Variants in PHKB observed in about 807,000 individuals in gnomAD.
PHKB encodes the protein phosphorylase b kinase regulatory subunit beta.
Under a neutral mutation model 152.1 loss-of-function variants are expected in PHKB, and 122 were observed. The ratio of observed to expected loss-of-function variants is 0.80; its 90% CI spans 0.69 to 0.93. The LOEUF is 0.93. Among genes scored for constraint, PHKB ranks in the 40% least tolerant of loss-of-function variants. The pLI is 0.00. For missense variants in PHKB, 1,304 were observed against 1,328.4 expected (o/e 0.98, Z 0.29); for synonymous variants, 436 against 464.9 (o/e 0.94, Z 0.80).
intron 7 of PHKB, among the ~76,000 whole-genome samples, chr16:47,570,816 G>A (rs1971645225): frequency 6.6e-6 from 1 of 152,008 alleles, no homozygotes. Context: ...TTGCTGGAGA[G>A]TTAGTATGTA....
At position 47,493,378 on chromosome 16, in the gene PHKB, G is replaced by C. The variant is rs535545106; in HGVS notation, c.77-4021G>C. 1.2e-4 allele frequency among the ~76,000 whole-genome samples: 19 copies of C among 152,262 alleles called. No individual in the cohort carries two copies. In the South Asian group the frequency reaches 3.9e-3, roughly 32 times the overall value. ...CAGAACCTCTTTTAGAAACTTCTAA[G>C]TATCATTGAAAATAGCTCTCCTAGT... On this transcript the variant is annotated intron_variant, in intron 1 of 30. Transcript: ENST00000323584.
At chr16:47,660,469 A>G in intron 20 of PHKB, 37 bp from the exon 21 acceptor site, 4 of 1,541,458 alleles carry the variant, frequency 2.6e-6, no homozygotes, top group Middle Eastern at 1.8e-4. Flanking sequence ...GGCTTGATGT[A>G]TCTAAGAGTT....
intron 8 of PHKB, among the ~76,000 whole-genome samples, chr16:47,584,423 G>C (rs1056394893): frequency 3.3e-5 from 5 of 152,100 alleles, no homozygotes; most frequent in Non-Finnish European, 7.3e-5. Context: ...TCTCAGCTCT[G>C]CTCTTTTGAG....
At chr16:47,649,733 C>T (rs145201835) in intron 18 of PHKB, among the ~76,000 whole-genome samples, 45 of 152,006 alleles carry the variant, frequency 3.0e-4, no homozygotes, top group Middle Eastern at 3.4e-3. Context: ...GGGCAAGTTA[C>T]TTAACTCCTC....
intron 7 of PHKB, among the ~76,000 whole-genome samples, chr16:47,577,948 G>T (rs930242191): frequency 6.6e-5 from 10 of 152,100 alleles, no homozygotes; most frequent in Admixed American, 1.3e-4. Flanking sequence ...GAACTCAGGT[G>T]ACATGAATGT....
chr16:47,576,879 G>A (rs1458066921), intron 7 of PHKB, among the ~76,000 whole-genome samples: 1 of 151,968 alleles, frequency 6.6e-6, no homozygotes, highest in African/African-American at 2.4e-5. Context: ...CAATACATAG[G>A]TGAGCCATAT....
chr16:47,596,521 A>G lies in PHKB; in HGVS notation c.1353A>G (p.Ala451=). The G allele has an allele frequency of 6.2e-7, 1 of 1,613,806 alleles. No homozygotes were observed. The highest frequency in any genetic ancestry group is 1.1e-5 in the South Asian group (1 of 91,080). ...GGGGACAAGCACTTTATATCATCGCAAAACTCCTGGGTAAGTGGAGAAGAT... is the reference window on the plus strand; with the variant it reads ...GGGGACAAGCACTTTATATCATCGCGAAACTCCTGGGTAAGTGGAGAAGAT... The part of the protein sequence containing the change: ...FLWGQALYII[A]KLLADELISP... The change falls in exon 13 of 31, where the codon GCA becomes GCG. Residue 451 remains alanine (A), a synonymous_variant. Coordinates refer to ENST00000323584, the MANE Select transcript of PHKB (RefSeq NM_000293.3).
At chr16:47,587,826 A>T (rs1971960727) in intron 9 of PHKB, 63 bp downstream of exon 9, 2 of 1,219,260 alleles carry the variant, frequency 1.6e-6, no homozygotes, top group Non-Finnish European at 2.4e-6. Context: ...ATGTAGTTAT[A>T]TCTTAATTTC....
intron 7 of PHKB, among the ~76,000 whole-genome samples, chr16:47,576,032 C>T (rs566042059): frequency 2.0e-5 from 3 of 152,204 alleles, no homozygotes; most frequent in South Asian, 2.1e-4. Context: ...GCCGAGATCG[C>T]GCCATTGCAC....
intron 7 of PHKB, 140 bp from the exon 8 acceptor site, chr16:47,580,155 G>T: frequency 1.6e-6 from 1 of 644,070 alleles, no homozygotes; most frequent in South Asian, 2.0e-5. Context: ...TCAGAATGAG[G>T]TCTCTTAGAC....
At chr16:47,586,408 A>C (rs886221994) in intron 8 of PHKB, among the ~76,000 whole-genome samples, 1 of 152,220 alleles carries the variant, frequency 6.6e-6, no homozygotes, top group African/African-American at 2.4e-5. Context: ...GGTGGTTGAG[A>C]GACAGCCTCA....
chr16:47,550,012 T>C (rs1359979920), intron 7 of PHKB, among the ~76,000 whole-genome samples: 2 of 152,354 alleles, frequency 1.3e-5, no homozygotes, highest in East Asian at 3.9e-4. Context: ...GGTTTTATAC[T>C]TTATTTGACA....
At chr16:47,689,282 TC>T in intron 27 of PHKB, 107 bp downstream of exon 27, 1 of 1,176,080 alleles carries the variant, frequency 8.5e-7, no homozygotes, top group East Asian at 2.5e-5. Flanking sequence ...TAAGTAAAAT[TC>T]AACAGAGTGT....
intron 1 of PHKB, chr16:47,464,050 G>A: frequency 9.1e-7 from 1 of 1,096,914 alleles, no homozygotes; most frequent in Non-Finnish European, 1.4e-6. Context: ...CTTTGTTTCT[G>A]AAGGTTGATT....
Position 47,641,015 on chromosome 16 carries a change from TC to T in PHKB, c.1459-17del. 1 of 1,608,260 alleles carries T rather than the reference TC, an allele frequency of 6.2e-7. No homozygotes were observed. The stretch of plus-strand genomic sequence containing the variant: ...CAGATCTTTTAAAATGTTTTCCCCC[TC>T]CCTTATTCTGCATTACAGGGCCCAC... On this transcript the variant is annotated intron_variant, in intron 14 of 30. Transcript: ENST00000323584.
intron 12 of PHKB, among the ~76,000 whole-genome samples, chr16:47,595,629 T>A (rs532988216): frequency 6.6e-6 from 1 of 152,326 alleles, no homozygotes; most frequent in African/African-American, 2.4e-5. Context: ...TCATTTAAGA[T>A]TACACAGTAT....
At chr16:47,537,549 A>T (rs1033439194) in intron 6 of PHKB, among the ~76,000 whole-genome samples, 2 of 152,238 alleles carry the variant, frequency 1.3e-5, no homozygotes, top group African/African-American at 4.8e-5. Flanking sequence ...GTCACCTAGC[A>T]TAAGTGACTC....
chr16:47,662,198 A>G (rs1464364755), intron 23 of PHKB, among the ~76,000 whole-genome samples: 2 of 152,232 alleles, frequency 1.3e-5, no homozygotes, highest in Non-Finnish European at 1.5e-5. Flanking sequence ...GGTCTGCAGC[A>G]GCCATTTGAA....
At chr16:47,482,021 T>C (rs537016282) in intron 1 of PHKB, among the ~76,000 whole-genome samples, 1 of 152,218 alleles carries the variant, frequency 6.6e-6, no homozygotes, top group Non-Finnish European at 1.5e-5. Flanking sequence ...TTTCTCTCTT[T>C]TACTTGATTT....
Sources: gnomAD v4.1 joint callset for allele counts (sites outside exome capture counted in the v4.1 genomes callset) on GRCh38, gnomAD v4.1.1 for gene constraint, MANE v1.5 for transcripts, NCBI Gene and HGNC (gene_info 2026-07-23, HGNC 2026-07-21) for gene names.